TBX3: variants seen among roughly 807,000 people sequenced by gnomAD.
TBX3 encodes T-box transcription factor 3.
In TBX3, 11 loss-of-function variants were observed where a neutral mutation model predicts 47.8. The observed-to-expected ratio is 0.23, with a 90% confidence interval of 0.14 to 0.38. TBX3 has a LOEUF of 0.38. Ranked by LOEUF, TBX3 falls within the 10% of genes least tolerant of loss-of-function variation. The pLI is 1.00. For missense variants in TBX3, 927 were observed against 1,022.8 expected, an observed-to-expected ratio of 0.91 and a Z score of 1.28; for synonymous variants, 500 against 449.3, an observed-to-expected ratio of 1.11 and a Z score of -1.43.
Position 114,682,957 on chromosome 12 carries a change from C to T in TBX3, c.244G>A (p.Gly82Arg). The change falls in exon 1 of 7, where the codon GGG becomes AGG. Residue 82 changes from glycine (G) to arginine (R), a missense_variant. Coordinates refer to ENST00000349155, the MANE Select transcript of TBX3 (RefSeq NM_005996.4). ...AAAGGCCTCAGATGCGCCTGGGGCCCCAGGGAGGAGAACGGGATGCCGGTC... is the reference window on the plus strand; with the variant it reads ...AAAGGCCTCAGATGCGCCTGGGGCCTCAGGGAGGAGAACGGGATGCCGGTC... ...AETGIPFSSL[G>R]PQAHLRPLKT... The T allele has an allele frequency of 2.5e-6, 4 of 1,614,160 alleles. No homozygotes were observed. Among genetic ancestry groups the T allele is most frequent in the Non-Finnish European group, 2.5e-6 (3 of 1,180,038 alleles).
At position 114,681,001 on chromosome 12, in the gene TBX3, C is replaced by G; in HGVS notation, c.535G>C (p.Glu179Gln). Reference sequence around the variant, plus strand: ...TGAATGTACATCCTCTTTGGCATTTCGGGGTCGGCCTTACCAGCCACCATC... The same window carrying G: ...TGAATGTACATCCTCTTTGGCATTTGGGGGTCGGCCTTACCAGCCACCATC... ...RWMVAGKADPEMPKRMYIHPD... is the reference protein window; with the variant it reads ...RWMVAGKADPQMPKRMYIHPD... The change falls in exon 2 of 7, where the codon GAA becomes CAA. Residue 179 changes from glutamate (E) to glutamine (Q), a missense_variant. Physicochemically the swap from Glu to Gln is conservative, Grantham distance 29. Around this residue, in one of 5 missense-constraint regions of TBX3, gnomAD observed 216 missense variants for 281.2 expected, o/e 0.77. Coordinates refer to ENST00000349155, the MANE Select transcript of TBX3 (RefSeq NM_005996.4). The G allele has an allele frequency of 6.2e-7, 1 of 1,614,064 alleles. No individual in the cohort carries two copies. The highest frequency in any genetic ancestry group is 8.5e-7 in the Non-Finnish European group (1 of 1,180,022).
At position 114,671,952 on chromosome 12, in the gene TBX3, C is replaced by A. The variant is rs757924576; in HGVS notation, c.2061G>T (p.Ser687=). The change falls in exon 7 of 7, where the codon TCG becomes TCT. Residue 687 remains serine (S), a synonymous_variant. Coordinates refer to ENST00000349155, the MANE Select transcript of TBX3 (RefSeq NM_005996.4). ...STLSSSSMSL[S]PKLCAEKEAA... is the part of the protein sequence containing the mutation. ...CCTCTTTCTCCGCGCAGAGTTTGGG[C>A]GACAAGGACATGGAGCTGGAGGAGA... The A allele has an allele frequency of 6.3e-7, 1 of 1,597,802 alleles. No individual in the cohort carries two copies. The highest frequency in any genetic ancestry group is 8.5e-7 in the Non-Finnish European group (1 of 1,172,242).
At chr12:114,677,369 G>A (rs1405370825) in intron 4 of TBX3, among the ~76,000 whole-genome samples, 2 of 152,190 alleles carry the variant, frequency 1.3e-5, no homozygotes, top group Non-Finnish European at 2.9e-5. Context: ...TAAGTATGGT[G>A]TAGCCTAGTT....
chr12:114,677,779 C>T, intron 3 of TBX3, 123 bp from the exon 4 acceptor site: 1 of 876,096 alleles, frequency 1.1e-6, no homozygotes, highest in Non-Finnish European at 1.9e-6. Context: ...TATAGATATG[C>T]CAGGGAAAGG....
intron 2 of TBX3, 151 bp downstream of exon 2, chr12:114,680,728 A>T: frequency 8.6e-7 from 1 of 1,165,568 alleles, no homozygotes; most frequent in Non-Finnish European, 1.3e-6. Flanking sequence ...GGAGAGAAAC[A>T]CCCCGAATCC....
chr12:114,681,208 T>G, intron 1 of TBX3, 62 bp from the exon 2 acceptor site: 4 of 1,599,412 alleles, frequency 2.5e-6, no homozygotes, highest in Non-Finnish European at 3.4e-6. Flanking sequence ...TTGGGTTTGA[T>G]TTCCTATGTA....
intron 6 of TBX3, among the ~76,000 whole-genome samples, chr12:114,673,475 C>A (rs1868548054): frequency 6.6e-6 from 1 of 152,150 alleles, no homozygotes; most frequent in African/African-American, 2.4e-5. Flanking sequence ...CCCACGTGTG[C>A]ACAAACCATT....
rs144772866 is a variant in TBX3, at chr12:114,683,201, C to G, written c.-1G>C. On this transcript the variant is annotated 5_prime_UTR_variant, in exon 1 of 7. Transcript: ENST00000349155. This position sits in a 1 kb window ranked among gnomAD's most constrained non-coding sequence, Gnocchi z 7.7. ...CCGGATCTCTCATGGAGAGGCTCAT[C>G]CACTCCAGGCGGGGCGCTGGGCTCC... 2.5e-5 allele frequency: 41 copies of G among 1,609,318 alleles called. No homozygotes were observed. The highest frequency in any genetic ancestry group is 3.7e-4 in the Middle Eastern group (2 of 5,474).
chr12:114,673,847 T>A (rs1868566620), intron 6 of TBX3, among the ~76,000 whole-genome samples: 1 of 152,178 alleles, frequency 6.6e-6, no homozygotes, highest in South Asian at 2.1e-4. Flanking sequence ...AAGGGTTAGG[T>A]CAAATGAGTC....
chr12:114,674,953 G>A, intron 5 of TBX3, 118 bp from the exon 6 acceptor site: 1 of 1,368,580 alleles, frequency 7.3e-7, no homozygotes, highest in Non-Finnish European at 1.0e-6. Context: ...TGTAATCCCG[G>A]GGAAAGCCCC....
rs750157618 is a variant in TBX3, at chr12:114,674,394, T to C, written c.1481A>G (p.Asn494Ser). 2.3e-5 allele frequency: 36 copies of C among 1,551,880 alleles called. No homozygotes were observed. The African/African-American group carries it at 3.4e-4, about 15-fold the overall frequency. The change falls in exon 6 of 7, where the codon AAC becomes AGC. Residue 494 changes from asparagine (N) to serine (S), a missense_variant. Asn to Ser is a conservative substitution (Grantham distance 46). Transcript: ENST00000349155. ...APGLAGQQFF[N>S]GHPLFLHPSQ... ...GGGGTGCAGGAAGAGCGGGTGCCCG[T>C]TGAAGAACTGTTGGCCCGCCAGGCC...
intron 1 of TBX3, 35 bp downstream of exon 1, chr12:114,682,777 C>G: frequency 6.2e-7 from 1 of 1,614,076 alleles, no homozygotes; most frequent in Non-Finnish European, 8.5e-7. Flanking sequence ...AAAAAACTCT[C>G]CAACAGCTTA....
chr12:114,673,334 C>T (rs572751080), intron 6 of TBX3, among the ~76,000 whole-genome samples: 72 of 152,326 alleles, frequency 4.7e-4, no homozygotes, highest in Middle Eastern at 3.4e-3. Context: ...CATGCAAAAC[C>T]TCATAGAACC....
intron 2 of TBX3, 180 bp downstream of exon 2, chr12:114,680,699 G>T: frequency 2.3e-6 from 2 of 888,214 alleles, no homozygotes; most frequent in Non-Finnish European, 3.6e-6. Context: ...CTTTTAGAAC[G>T]CCAGGCCTTC....
At position 114,683,921 on chromosome 12, in the gene TBX3, A is replaced by G. The variant is rs1055521774; in HGVS notation, c.-721T>C. On this transcript the variant is annotated 5_prime_UTR_variant, in exon 1 of 7. Coordinates refer to ENST00000349155, the MANE Select transcript of TBX3 (RefSeq NM_005996.4). The surrounding 1 kb of genome is among the most constrained non-coding windows in gnomAD (Gnocchi z 7.7). ...GCCTCCGGAGGGTGTCTCGGTTTCA[A>G]TCCAAATCTTGCTGGGCTCTTCTCC... 5 of 231,720 alleles carry G rather than the reference A, an allele frequency of 2.2e-5. No homozygotes were observed. The highest frequency in any genetic ancestry group is 4.4e-5 in the African/African-American group (2 of 45,160). 14.4% of individuals were successfully genotyped at this position (231,720 alleles called of 1,614,324 possible).
intron 6 of TBX3, 134 bp from the exon 7 acceptor site, chr12:114,672,436 G>T (rs1182793801): frequency 7.6e-5 from 32 of 421,566 alleles, no homozygotes; most frequent in Admixed American, 1.4e-4. Context: ...TTGTTGTTGT[G>T]TTTTTTTTTT....
In TBX3 at chr12:114,681,100, T is replaced by G; in HGVS notation, c.436A>C (p.Lys146Gln). The G allele has an allele frequency of 6.2e-7, 1 of 1,614,104 alleles. No homozygotes were observed. The change falls in exon 2 of 7, where the codon AAA (lysine) becomes CAA (glutamine). Residue 146 changes from lysine to glutamine, a missense_variant. Lys to Gln is a moderately conservative substitution (Grantham distance 53). Coordinates refer to ENST00000349155, the MANE Select transcript of TBX3 (RefSeq NM_005996.4). ...FKVRCSGLDK[K>Q]AKYILLMDII... ...TCCATCAATAAAATGTATTTGGCTT[T>G]TTTATCCAGCCCAGAACATCTCACT...
intron 3 of TBX3, 106 bp from the exon 4 acceptor site, chr12:114,677,762 G>T: frequency 1.9e-6 from 2 of 1,033,536 alleles, no homozygotes; most frequent in South Asian, 2.6e-5. Flanking sequence ...ACTGCCAACA[G>T]AAGTCATATA....
At chr12:114,677,757 C>T (rs755306919) in intron 3 of TBX3, 101 bp from the exon 4 acceptor site, 29 of 1,052,972 alleles carry the variant, frequency 2.8e-5, no homozygotes, top group African/African-American at 4.7e-5. Flanking sequence ...ATGTGACTGC[C>T]AACAGAAGTC....
Sources: allele counts gnomAD v4.1 joint callset (sites outside exome capture counted in the v4.1 genomes callset), GRCh38; gene constraint gnomAD v4.1.1; regional missense constraint gnomAD v4.1.1; non-coding constraint Gnocchi (gnomAD v3.1); transcripts MANE v1.5; gene names NCBI Gene and HGNC (gene_info 2026-07-23, HGNC 2026-07-21).